Variants in IL6ST observed in about 807,000 individuals in gnomAD.
IL6ST encodes the protein interleukin-6 receptor subunit beta.
Under a neutral mutation model 91.3 loss-of-function variants are expected in IL6ST, and 24 were observed. That is an observed-to-expected ratio of 0.26 (90% CI 0.19 to 0.37). The LOEUF (loss-of-function observed/expected upper bound fraction) is 0.37, where lower values mean the gene tolerates loss of function less well. Among genes scored for constraint, IL6ST ranks in the 10% least tolerant of loss-of-function variants. IL6ST has a pLI of 1.00. For synonymous variants in IL6ST, 351 were observed against 373.6 expected (o/e 0.94, Z 0.70); for missense variants, 914 against 1,078.5 (o/e 0.85, Z 2.14).
intron 1 of IL6ST, among the ~76,000 whole-genome samples, chr5:55,988,583 A>G (rs375573065): frequency 3.6e-4 from 54 of 152,096 alleles, no homozygotes; most frequent in African/African-American, 1.2e-3. Context: ...CCTGACCAAC[A>G]TAGAGAAACC....
chr5:55,951,340 AGAT>A, intron 14 of IL6ST, 121 bp downstream of exon 14: 1 of 753,138 alleles, frequency 1.3e-6, no homozygotes, highest in Non-Finnish European at 2.2e-6. Flanking sequence ...AACCAAAGCC[AGAT>A]AATATAAAAA....
chr5:55,951,526 G>A lies in IL6ST; in HGVS notation c.1778C>T (p.Ala593Val). 7.4e-6 allele frequency: 12 copies of A among 1,611,896 alleles called. No individual in the cohort carries two copies. The highest frequency in any genetic ancestry group is 1.0e-5 in the Non-Finnish European group (12 of 1,178,008). Residue 593 changes from alanine to valine, a missense_variant, in exon 14 of 17, where the codon GCA becomes GTA. By Grantham distance (64) the Ala-to-Val change is moderately conservative (BLOSUM62 0). Transcript: ENST00000381298. The stretch of plus-strand genomic sequence containing the variant: ...CTTCCCACCTTCATCTGTGTATGCT[G>A]CCATTCGTACCATGTACAATGTGTC... ...TSDTLYMVRM[A>V]AYTDEGGKDG...
chr5:55,942,003 T>C (rs542881027), intron 16 of IL6ST, among the ~76,000 whole-genome samples, 184 bp from the exon 17 acceptor site: 20 of 152,294 alleles, frequency 1.3e-4, no homozygotes, highest in African/African-American at 4.8e-4. Context: ...ATCAATATTG[T>C]TGGTGTTACA....
chr5:55,991,871 T>C (rs1298977683), intron 1 of IL6ST, among the ~76,000 whole-genome samples: 1 of 152,164 alleles, frequency 6.6e-6, no homozygotes, highest in Non-Finnish European at 1.5e-5. Flanking sequence ...AAATTATTCT[T>C]GTAGTTTCCA....
At chr5:55,989,466 A>T (rs188514840) in intron 1 of IL6ST, among the ~76,000 whole-genome samples, 99 of 152,330 alleles carry the variant, frequency 6.5e-4, no homozygotes, top group Non-Finnish European at 1.0e-3. Flanking sequence ...AAGGACCTAA[A>T]TGCAAAAGCA....
chr5:55,985,860 T>C (rs1753936547), intron 1 of IL6ST, among the ~76,000 whole-genome samples: 1 of 152,210 alleles, frequency 6.6e-6, no homozygotes, highest in Non-Finnish European at 1.5e-5. Flanking sequence ...AAGGTCTCTA[T>C]TGGAGCTACC....
intron 14 of IL6ST, among the ~76,000 whole-genome samples, chr5:55,950,381 C>T (rs1308388938): frequency 6.6e-6 from 1 of 150,982 alleles, no homozygotes. Context: ...TACAAAAATA[C>T]AAAAAATTAG....
At chr5:55,987,657 C>T (rs1580870352) in intron 1 of IL6ST, among the ~76,000 whole-genome samples, 1 of 152,184 alleles carries the variant, frequency 6.6e-6, no homozygotes, top group African/African-American at 2.4e-5. Context: ...ACTTTTACTT[C>T]CTTTATCTGT....
At chr5:55,985,997 A>G (rs1189160561) in intron 1 of IL6ST, among the ~76,000 whole-genome samples, 1 of 152,202 alleles carries the variant, frequency 6.6e-6, no homozygotes, top group Non-Finnish European at 1.5e-5. Context: ...CCACTGATCA[A>G]TTTGCTTATT....
Position 55,967,117 on chromosome 5 carries a change from C to A in IL6ST, c.491+1159G>T, listed in dbSNP as rs10050978. On this transcript the variant is annotated intron_variant, in intron 5 of 16. Coordinates refer to ENST00000381298, the MANE Select transcript of IL6ST (RefSeq NM_002184.4). The stretch of plus-strand genomic sequence containing the variant: ...ACGAGGTCAGGAGTTCAAGACCAGC[C>A]TGACCAACATGGTGAAACCCTCTCT... 2.5e-3 allele frequency among the ~76,000 whole-genome samples: 375 copies of A among 151,574 alleles called. 4 individuals carry two copies. Among genetic ancestry groups the A allele is most frequent in the African/African-American group, 8.8e-3 (362 of 41,350 alleles).
chr5:55,974,637 A>G (rs72765606), intron 3 of IL6ST, among the ~76,000 whole-genome samples: 1,577 of 152,100 alleles, frequency 0.01, 18 homozygotes, highest in Non-Finnish European at 0.016. Flanking sequence ...GGCGTGCGGC[A>G]CTACCGCCTG....
chr5:55,950,652 G>A lies in IL6ST; in HGVS notation c.1840+812C>T, dbSNP rs537415496. Among the ~76,000 whole-genome samples, 42 of 151,946 alleles carry A rather than the reference G, an allele frequency of 2.8e-4. 1 individual carries two copies. The highest frequency in any genetic ancestry group is 5.2e-4 in the Non-Finnish European group (35 of 67,956). ...AAAAGTATGGTTAGAAAACCCAAGG[G>A]AGGAGGGAGTTTCAAGGATGGAAGG... On this transcript the variant is annotated intron_variant, in intron 14 of 16. Transcript: ENST00000381298.
In IL6ST at chr5:55,964,156, A is replaced by G. The variant is rs761336610; in HGVS notation, c.648T>C (p.Pro216=). 29 of 1,591,520 alleles carry G rather than the reference A, an allele frequency of 1.8e-5. No individual in the cohort carries two copies. Among genetic ancestry groups the G allele is most frequent in the Non-Finnish European group, 2.3e-5 (27 of 1,167,810 alleles). The change falls in exon 6 of 17, where the codon CCT becomes CCC. Residue 216 remains proline (P), a synonymous_variant. Transcript: ENST00000381298. ...CAGGTTTATAACTACCTTTATATAC[A>G]GGATCAAAATTGATATGATCTGATG... ...KVTSDHINFD[P]VYKVKPNPPH...
At chr5:55,988,401 C>A (rs575818532) in intron 1 of IL6ST, among the ~76,000 whole-genome samples, 66 of 152,204 alleles carry the variant, frequency 4.3e-4, no homozygotes, top group African/African-American at 1.6e-3. Flanking sequence ...ACACAGTAGT[C>A]AAACAAAACA....
At position 55,939,106 on chromosome 5, in the gene IL6ST, A is replaced by G. The variant is rs1580773438; in HGVS notation, c.*1976T>C. ...GCTAAATATTAGTCATGTGACTTAA[A>G]TTTTGAGAAAATGGAAAATGTAATA... On this transcript the variant is annotated 3_prime_UTR_variant, in exon 17 of 17. Transcript: ENST00000381298. 4.8e-6 allele frequency: 1 copy of G among 207,208 alleles called. No homozygotes were observed. The highest frequency in any genetic ancestry group is 9.9e-6 in the Non-Finnish European group (1 of 101,438). The allele number at this position is 207,208 out of a possible 1,614,324, so 12.8% of individuals were successfully genotyped here.
At chr5:55,970,914 AAAACAAAAC>A (rs1344249621) in intron 3 of IL6ST, among the ~76,000 whole-genome samples, 1 of 152,106 alleles carries the variant, frequency 6.6e-6, no homozygotes, top group African/African-American at 2.4e-5. Context: ...AAAACAAAAC[AAAACAAAAC>A]AAACAAAACA....
chr5:55,951,814 G>C (rs1175944313), intron 13 of IL6ST, 115 bp downstream of exon 13: 1 of 766,022 alleles, frequency 1.3e-6, no homozygotes, highest in African/African-American at 1.8e-5. Context: ...CAAATTCTCA[G>C]GTGTCTCCTG....
intron 5 of IL6ST, among the ~76,000 whole-genome samples, chr5:55,967,621 C>A (rs573762425): frequency 1.3e-5 from 2 of 151,914 alleles, no homozygotes; most frequent in Admixed American, 1.3e-4. Context: ...ATGTCCTCAT[C>A]TTTTAGAGAC....
chr5:55,935,806 ACT>A lies in IL6ST; in HGVS notation c.*5274_*5275del, dbSNP rs1020028745. On this transcript the variant is annotated 3_prime_UTR_variant, in exon 17 of 17. Transcript: ENST00000381298. ...AAGTTAAGCAATCCTGAACAAGAAA[ACT>A]CTCTCACTGCCTTTGGGCTAGAGAA... is the stretch of plus-strand genomic sequence containing the variant. The A allele has an allele frequency of 1.8e-5, 4 of 216,926 alleles. No homozygotes were observed. Among genetic ancestry groups the A allele is most frequent in the East Asian group, 1.4e-4 (2 of 14,640 alleles). 13.4% of individuals were successfully genotyped at this position (216,926 alleles called of 1,614,324 possible).
Sources: allele counts gnomAD v4.1 joint callset (sites outside exome capture counted in the v4.1 genomes callset), GRCh38; gene constraint gnomAD v4.1.1; transcripts MANE v1.5; gene names NCBI Gene and HGNC (gene_info 2026-07-23, HGNC 2026-07-21).